Variants in JAZF1 observed in about 807,000 individuals in gnomAD.
The protein encoded by JAZF1 is JAZF zinc finger 1.
Under a neutral mutation model 26.4 loss-of-function variants are expected in JAZF1, and 8 were observed. That is an observed-to-expected ratio of 0.30 (90% confidence interval 0.18 to 0.55). The LOEUF (loss-of-function observed/expected upper bound fraction) is 0.55, where lower values mean the gene tolerates loss of function less well. Ranked by LOEUF, JAZF1 falls within the 20% of genes least tolerant of loss-of-function variation. The probability of loss-of-function intolerance (pLI) is 0.94; values close to 1 mark genes in which losing one functional copy is unlikely to be tolerated. For synonymous variants in JAZF1, 126 were observed against 122.3 expected, an observed-to-expected ratio of 1.03 and a Z score of -0.20; for missense variants, 199 against 322.0, an observed-to-expected ratio of 0.62 and a Z score of 2.92.
At chr7:28,051,183 T>G (rs1014093551) in intron 1 of JAZF1, among the ~76,000 whole-genome samples, 6 of 151,976 alleles carry the variant, frequency 3.9e-5, no homozygotes, top group African/African-American at 1.4e-4. Flanking sequence ...AACTGTTTTT[T>G]TTTAAGAAAC....
At chr7:28,093,574 A>G (rs76512479) in intron 1 of JAZF1, among the ~76,000 whole-genome samples, 1 of 152,364 alleles carries the variant, frequency 6.6e-6, no homozygotes, top group African/African-American at 2.4e-5. Flanking sequence ...TTCTTCATCA[A>G]TTACCACTTA....
At chr7:28,088,268 T>C (rs1377800410) in intron 1 of JAZF1, among the ~76,000 whole-genome samples, 1 of 152,230 alleles carries the variant, frequency 6.6e-6, no homozygotes, top group Non-Finnish European at 1.5e-5. Context: ...AAACTGCAAC[T>C]TCTACATTTT....
chr7:28,078,988 T>C (rs959027967), intron 1 of JAZF1, among the ~76,000 whole-genome samples: 1 of 151,092 alleles, frequency 6.6e-6, no homozygotes, highest in Non-Finnish European at 1.5e-5. Flanking sequence ...AAAATGCCCA[T>C]AATTTTTTTT....
At chr7:27,909,477 C>T (rs569326250) in intron 2 of JAZF1, among the ~76,000 whole-genome samples, 4 of 152,124 alleles carry the variant, frequency 2.6e-5, no homozygotes, top group Admixed American at 1.3e-4. Context: ...GAGGCCAAGG[C>T]GGGCGGATCA....
intron 2 of JAZF1, among the ~76,000 whole-genome samples, chr7:27,928,311 T>C (rs1177019713): frequency 6.6e-6 from 1 of 152,238 alleles, no homozygotes; most frequent in African/African-American, 2.4e-5. Flanking sequence ...ACACATTTAA[T>C]AGCACTTTAT....
intron 1 of JAZF1, among the ~76,000 whole-genome samples, chr7:28,070,766 T>C (rs1583543554): frequency 6.6e-6 from 1 of 152,342 alleles, no homozygotes; most frequent in East Asian, 1.9e-4. Context: ...ACATATTCTC[T>C]TCATGACATT....
intron 1 of JAZF1, among the ~76,000 whole-genome samples, chr7:28,026,550 T>TG (rs1783097251): frequency 6.6e-6 from 1 of 152,152 alleles, no homozygotes. Context: ...ATGTACAAAA[T>TG]GAATGTTGAA....
At chr7:28,167,300 C>A (rs1783385404) in intron 1 of JAZF1, among the ~76,000 whole-genome samples, 1 of 152,212 alleles carries the variant, frequency 6.6e-6, no homozygotes, top group South Asian at 2.1e-4. Flanking sequence ...AGACAGCTTT[C>A]TTTTCTTCAG....
intron 1 of JAZF1, among the ~76,000 whole-genome samples, chr7:28,140,893 G>A (rs572859235): frequency 0.31 from 44 of 144 alleles, no homozygotes; most frequent in African/African-American, 0.43. Context: ...CATAAGTTCC[G>A]TAAGAGCCAT....
intron 2 of JAZF1, among the ~76,000 whole-genome samples, chr7:27,972,429 A>G (rs2128359962): frequency 6.6e-6 from 1 of 152,260 alleles, no homozygotes; most frequent in Middle Eastern, 3.4e-3. Flanking sequence ...TAGGGGAAGG[A>G]GGATGGGGGT....
chr7:27,845,732 G>C (rs1006063443), intron 3 of JAZF1, among the ~76,000 whole-genome samples: 1 of 145,862 alleles, frequency 6.9e-6, no homozygotes, highest in African/African-American at 2.6e-5. Context: ...AAAAGAAAAA[G>C]AAATTTTAAA....
At chr7:27,955,447 A>G (rs1234617647) in intron 2 of JAZF1, among the ~76,000 whole-genome samples, 1 of 152,214 alleles carries the variant, frequency 6.6e-6, no homozygotes, top group Non-Finnish European at 1.5e-5. Context: ...TTAGCTTTCT[A>G]GCGTGTTTTC....
intron 2 of JAZF1, among the ~76,000 whole-genome samples, chr7:27,970,877 G>A (rs1785362531): frequency 3.9e-5 from 6 of 152,106 alleles, no homozygotes; most frequent in South Asian, 4.1e-4. Flanking sequence ...ACTATTTTGG[G>A]AAGCAGTCCA....
At chr7:27,972,271 T>A (rs1785387060) in intron 2 of JAZF1, among the ~76,000 whole-genome samples, 1 of 152,166 alleles carries the variant, frequency 6.6e-6, no homozygotes, top group Non-Finnish European at 1.5e-5. Context: ...GCAAGTGACA[T>A]CTGACCAGAG....
chr7:27,841,064 C>A (rs1782914515), intron 3 of JAZF1, 197 bp from the exon 4 acceptor site: 1 of 563,046 alleles, frequency 1.8e-6, no homozygotes. Context: ...GCGTTCCCAC[C>A]TAAGAGACCA....
At chr7:27,930,732 T>C (rs977200535) in intron 2 of JAZF1, among the ~76,000 whole-genome samples, 5 of 152,208 alleles carry the variant, frequency 3.3e-5, no homozygotes, top group African/African-American at 7.2e-5. Flanking sequence ...AAAATGTTCA[T>C]ATAATCTAAA....
At chr7:28,080,155 C>T (rs931276447) in intron 1 of JAZF1, among the ~76,000 whole-genome samples, 4 of 152,226 alleles carry the variant, frequency 2.6e-5, no homozygotes, top group Non-Finnish European at 4.4e-5. Flanking sequence ...CCTCACTTTG[C>T]ACTTTCACCT....
intron 3 of JAZF1, among the ~76,000 whole-genome samples, chr7:27,881,671 G>T (rs1383408689): frequency 6.6e-6 from 1 of 152,142 alleles, no homozygotes; most frequent in East Asian, 1.9e-4. Context: ...TGATGGCCCA[G>T]CATCAGTCCC....
intron 1 of JAZF1, among the ~76,000 whole-genome samples, chr7:28,173,068 C>T (rs1429561866): frequency 4.6e-5 from 7 of 152,206 alleles, no homozygotes; most frequent in African/African-American, 1.4e-4. Context: ...GCTACGTATA[C>T]TGCTAGGGCT....
Sources: gnomAD v4.1 joint callset for allele counts (sites outside exome capture counted in the v4.1 genomes callset) on GRCh38, gnomAD v4.1.1 for gene constraint, MANE v1.5 for transcripts, NCBI Gene and HGNC (gene_info 2026-07-23, HGNC 2026-07-21) for gene names.